Variants in CLNK observed in about 807,000 individuals in gnomAD.
CLNK encodes cytokine dependent hematopoietic cell linker, also known as cytokine-dependent hematopoietic cell linker.
CLNK carries 74 observed loss-of-function variants against 68.6 expected under a neutral mutation model. The observed-to-expected ratio is 1.08, with a 90% CI of 0.89 to 1.31. The LOEUF is 1.31. CLNK is among the 50% of genes most tolerant of loss of function. CLNK has a pLI of 0.00. For synonymous variants in CLNK, 198 were observed against 172.2 expected, an observed-to-expected ratio of 1.15 and a Z score of -1.17; for missense variants, 553 against 515.3, an observed-to-expected ratio of 1.07 and a Z score of -0.71.
Position 10,558,452 on chromosome 4 carries a change from C to T in CLNK, c.400G>A (p.Val134Met). Residue 134 changes from valine (V) to methionine (M), a missense_variant and splice_region_variant, in exon 8 of 19, where the codon GTG becomes ATG. By Grantham distance (21) the Val-to-Met change is conservative. Coordinates refer to ENST00000226951, the MANE Select transcript of CLNK (RefSeq NM_052964.4). Reference sequence around the variant, plus strand: ...ACGTCCTTGGAAATGGGTTTGTCCACCTGTACAAGACAATGAGGCACCATT... The same window carrying T: ...ACGTCCTTGGAAATGGGTTTGTCCATCTGTACAAGACAATGAGGCACCATT... ...TWNTQTRLERVDKPISKDVRS... is the reference protein window; with the variant it reads ...TWNTQTRLERMDKPISKDVRS... The T allele has an allele frequency of 1.2e-6, 2 of 1,613,648 alleles. No homozygotes were observed. Among genetic ancestry groups the T allele is most frequent in the Non-Finnish European group, 1.7e-6 (2 of 1,179,616 alleles).
intron 2 of CLNK, among the ~76,000 whole-genome samples, chr4:10,666,866 T>G (rs1436527484): frequency 6.6e-6 from 1 of 152,174 alleles, no homozygotes. Context: ...TGGACACCTG[T>G]GGGCATCCAT....
intron 3 of CLNK, among the ~76,000 whole-genome samples, chr4:10,593,432 A>G (rs925264489): frequency 3.9e-5 from 6 of 152,032 alleles, no homozygotes; most frequent in African/African-American, 1.4e-4. Context: ...AGGTGGGTGG[A>G]TCACTTGAGG....
At chr4:10,645,116 T>A (rs1222735925) in intron 2 of CLNK, among the ~76,000 whole-genome samples, 2 of 152,228 alleles carry the variant, frequency 1.3e-5, no homozygotes, top group East Asian at 3.8e-4. Flanking sequence ...TAAATACTTA[T>A]TCCAAAAAGC....
At chr4:10,644,738 G>A (rs368547403) in intron 2 of CLNK, among the ~76,000 whole-genome samples, 3 of 152,164 alleles carry the variant, frequency 2.0e-5, no homozygotes, top group Non-Finnish European at 4.4e-5. Context: ...AACAGGATCC[G>A]TATTACTGAT....
chr4:10,677,065 C>T (rs1052768396), intron 1 of CLNK, among the ~76,000 whole-genome samples: 2 of 149,958 alleles, frequency 1.3e-5, no homozygotes, highest in African/African-American at 4.9e-5. Flanking sequence ...TAAATCAGAA[C>T]TTACCCAACT....
At position 10,582,835 on chromosome 4, in the gene CLNK, T is replaced by C. The variant is rs551486066; in HGVS notation, c.112+2092A>G. 1.7e-4 allele frequency among the ~76,000 whole-genome samples: 26 copies of C among 152,324 alleles called. No homozygotes were observed. In the South Asian group the frequency reaches 4.1e-3, roughly 24 times the overall value. On this transcript the variant is annotated intron_variant, in intron 4 of 18. Transcript: ENST00000226951. The stretch of plus-strand genomic sequence containing the variant: ...ATCCAAATATACAAATATTTGATTA[T>C]AGTCAAGTCACTCATACACATACAC...
chr4:10,529,031 C>G (rs1158443044), intron 12 of CLNK, among the ~76,000 whole-genome samples: 1 of 152,100 alleles, frequency 6.6e-6, no homozygotes, highest in Non-Finnish European at 1.5e-5. Context: ...AAAAGCATTA[C>G]AGTAGATACA....
chr4:10,528,183 TG>T (rs1166232052), intron 12 of CLNK, 89 bp from the exon 13 acceptor site: 46 of 564,296 alleles, frequency 8.2e-5, no homozygotes, highest in Non-Finnish European at 1.1e-5. Flanking sequence ...AGCATTTGGT[TG>T]GCAGACTTTT....
intron 8 of CLNK, among the ~76,000 whole-genome samples, chr4:10,547,120 T>C (rs774536745): frequency 1.5e-4 from 23 of 152,170 alleles, no homozygotes; most frequent in Non-Finnish European, 2.6e-4. Context: ...TACTGCTATA[T>C]TGGGGACAAA....
chr4:10,623,531 CCAATTCCT>C (rs1207959292), intron 2 of CLNK, among the ~76,000 whole-genome samples: 1 of 152,166 alleles, frequency 6.6e-6, no homozygotes, highest in African/African-American at 2.4e-5. Context: ...TTCTAAGCCT[CCAATTCCT>C]CATCAATATA....
intron 1 of CLNK, among the ~76,000 whole-genome samples, chr4:10,679,957 G>A (rs1180732600): frequency 6.6e-6 from 1 of 152,140 alleles, no homozygotes; most frequent in South Asian, 2.1e-4. Flanking sequence ...AAGTCAGTGT[G>A]GTGATTCCTC....
chr4:10,643,308 C>G (rs1186091261), intron 2 of CLNK, among the ~76,000 whole-genome samples: 1 of 152,210 alleles, frequency 6.6e-6, no homozygotes, highest in Non-Finnish European at 1.5e-5. Flanking sequence ...TAGCAATAAT[C>G]AATTAACAGA....
At chr4:10,511,670 G>C (rs1026613921) in intron 16 of CLNK, among the ~76,000 whole-genome samples, 1 of 152,118 alleles carries the variant, frequency 6.6e-6, no homozygotes, top group East Asian at 1.9e-4. Context: ...CAAGGTTCTT[G>C]TATATTGTAT....
At position 10,542,038 on chromosome 4, in the gene CLNK, G is replaced by T. The variant is rs1315632057; in HGVS notation, c.475C>A (p.Pro159Thr). The T allele has an allele frequency of 1.3e-6, 2 of 1,591,304 alleles. No homozygotes were observed. The highest frequency in any genetic ancestry group is 8.6e-7 in the Non-Finnish European group (1 of 1,169,342). ...GDASVRKNKI[P>T]LPPPRPLITL... ...GTGTTTTACCGAGGAGGTGGTAAAG[G>T]AATCTGAAAAAGAAAAGAGAAACCT... is the stretch of plus-strand genomic sequence containing the variant. Residue 159 changes from proline to threonine, a missense_variant, in exon 10 of 19, where the codon CCT becomes ACT. By Grantham distance (38) the Pro-to-Thr change is conservative (BLOSUM62 -1). Transcript: ENST00000226951.
At chr4:10,541,664 C>G (rs932356611) in intron 10 of CLNK, among the ~76,000 whole-genome samples, 4 of 151,918 alleles carry the variant, frequency 2.6e-5, no homozygotes, top group Non-Finnish European at 5.9e-5. Flanking sequence ...ATCCCATTTT[C>G]ATATGAATCT....
intron 1 of CLNK, among the ~76,000 whole-genome samples, chr4:10,681,238 A>G (rs888074247): frequency 6.6e-6 from 1 of 152,184 alleles, no homozygotes; most frequent in African/African-American, 2.4e-5. Context: ...CCAAAGATGG[A>G]TACATAGGTC....
At chr4:10,608,880 C>A (rs959813174) in intron 2 of CLNK, among the ~76,000 whole-genome samples, 3 of 152,190 alleles carry the variant, frequency 2.0e-5, no homozygotes, top group African/African-American at 4.8e-5. Flanking sequence ...TGGTGAGAGC[C>A]TGTTTCCTGA....
the CLNK span, among the ~76,000 whole-genome samples, chr4:10,723,252 G>A: frequency 6.6e-6 from 1 of 152,156 alleles, no homozygotes; most frequent in South Asian, 2.1e-4. Context: ...CTTTGATTTA[G>A]TTCCAGGAAG....
At position 10,549,095 on chromosome 4, in the gene CLNK, C is replaced by T. The variant is rs146769486; in HGVS notation, c.446-6815G>A. On this transcript the variant is annotated intron_variant, in intron 8 of 18. Transcript: ENST00000226951. ...TTCTAGCCTCACTTAGTATTCCTCCCTCCCTTTTAAGATTTTTGTGTAGTA... is the reference window on the plus strand; with the variant it reads ...TTCTAGCCTCACTTAGTATTCCTCCTTCCCTTTTAAGATTTTTGTGTAGTA... Among the ~76,000 whole-genome samples, 539 of 152,300 alleles carry T rather than the reference C, an allele frequency of 3.5e-3. 3 individuals are homozygous for T. The highest frequency in any genetic ancestry group is 8.6e-3 in the African/African-American group (357 of 41,570).
Sources: gnomAD v4.1 joint callset for allele counts (sites outside exome capture counted in the v4.1 genomes callset) on GRCh38, gnomAD v4.1.1 for gene constraint, MANE v1.5 for transcripts, NCBI Gene and HGNC (gene_info 2026-07-23, HGNC 2026-07-21) for gene names.